The following MAP1LC3B variants were observed in gnomAD, a reference collection of about 807,000 sequenced individuals.
MAP1LC3B encodes the protein microtubule-associated protein 1 light chain 3 beta.
In MAP1LC3B, 12 loss-of-function variants were observed where a neutral mutation model predicts 16.7. That is an observed-to-expected ratio of 0.72 (90% confidence interval 0.46 to 1.16). The LOEUF (loss-of-function observed/expected upper bound fraction) is 1.16, where lower values mean the gene tolerates loss of function less well. MAP1LC3B is among the 50% of genes most tolerant of loss of function. The pLI is 0.00. For synonymous variants in MAP1LC3B, 63 were observed against 56.5 expected (o/e 1.11, Z -0.51); for missense variants, 155 against 159.5 (o/e 0.97, Z 0.15).
Position 87,402,183 on chromosome 16 carries a change from A to G in MAP1LC3B, c.105A>G (p.Ile35Met), listed in dbSNP as rs1458044148. 3 of 1,614,072 alleles carry G rather than the reference A, an allele frequency of 1.9e-6. No homozygotes were observed. Among genetic ancestry groups the G allele is most frequent in the South Asian group, 2.2e-5 (2 of 91,080 alleles). Residue 35 changes from isoleucine to methionine, a missense_variant, in exon 3 of 4, where the codon ATA (isoleucine) becomes ATG (methionine). Physicochemically the swap from Ile to Met is conservative, Grantham distance 10. Transcript: ENST00000268607. ...EQHPTKIPVIIERYKGEKQLP... is the reference protein window; with the variant it reads ...EQHPTKIPVIMERYKGEKQLP... ...TCTGGCTTCTTTTCCAGGTGATAAT[A>G]GAACGATACAAGGGTGAGAAGCAGC... is the stretch of plus-strand genomic sequence containing the variant.
intron 3 of MAP1LC3B, 133 bp downstream of exon 3, chr16:87,402,414 C>A: frequency 1.2e-6 from 1 of 836,038 alleles, no homozygotes; most frequent in Non-Finnish European, 1.8e-6. Flanking sequence ...AGTTCTGATT[C>A]AGTTATGATT....
Position 87,403,190 on chromosome 16 carries a change from A to G in MAP1LC3B, c.*93A>G, listed in dbSNP as rs183409203. 289 of 1,471,618 alleles carry G rather than the reference A, an allele frequency of 2.0e-4. No individual in the cohort carries two copies. The East Asian group carries it at 3.6e-3, about 18-fold the overall frequency. The allele number at this position is 1,471,618 out of a possible 1,614,324, so 91.2% of individuals were successfully genotyped here. A position where few individuals can be genotyped will look rare whatever the true frequency, so the allele number is the denominator to read the frequency against. Reference sequence around the variant, plus strand: ...CAACTGAGATCGATCAGTTCATCCAATCACAGATCATGAAACAGTAGTGTT... The same window carrying G: ...CAACTGAGATCGATCAGTTCATCCAGTCACAGATCATGAAACAGTAGTGTT... On this transcript the variant is annotated 3_prime_UTR_variant, in exon 4 of 4. Coordinates refer to ENST00000268607, the MANE Select transcript of MAP1LC3B (RefSeq NM_022818.5).
Position 87,392,437 on chromosome 16 carries a change from G to A in MAP1LC3B, c.10G>A (p.Glu4Lys). The A allele has an allele frequency of 3.5e-6, 5 of 1,418,326 alleles. No homozygotes were observed. The highest frequency in any genetic ancestry group is 3.7e-6 in the Non-Finnish European group (4 of 1,095,582). The allele number at this position is 1,418,326 out of a possible 1,614,324, so 87.9% of individuals were successfully genotyped here. The change falls in exon 1 of 4, where the codon GAG (glutamate) becomes AAG (lysine). Residue 4 changes from glutamate to lysine, a missense_variant. Transcript: ENST00000268607. ...CCCAGATCCCTGCACCATGCCGTCG[G>A]AGAAGACCTTCAAGCAGCGCCGCAC... MPSEKTFKQRRTFE... is the reference protein window; with the variant it reads MPSKKTFKQRRTFE...
chr16:87,400,461 G>A (rs1024657731), intron 2 of MAP1LC3B, among the ~76,000 whole-genome samples: 2 of 152,110 alleles, frequency 1.3e-5, no homozygotes, highest in African/African-American at 4.8e-5. Flanking sequence ...TTACAGGCGT[G>A]AGCCACCGCA....
At chr16:87,400,953 T>C (rs1907971542) in intron 2 of MAP1LC3B, among the ~76,000 whole-genome samples, 1 of 151,902 alleles carries the variant, frequency 6.6e-6, no homozygotes, top group African/African-American at 2.4e-5. Flanking sequence ...ACCAACATGG[T>C]GAAACCCCAT....
rs1217411098 is a variant in MAP1LC3B, at chr16:87,396,832, T to G, written c.41-1983T>G. The G allele has an allele frequency of 2.0e-5, 3 of 152,164 alleles. No homozygotes were observed. The South Asian group carries it at 6.2e-4, about 32-fold the overall frequency. The allele number at this position is 152,164 out of a possible 1,614,324, so 9.4% of individuals were successfully genotyped here. A position where few individuals can be genotyped will look rare whatever the true frequency, so the allele number is the denominator to read the frequency against. On this transcript the variant is annotated intron_variant, in intron 1 of 3. Transcript: ENST00000268607. The stretch of plus-strand genomic sequence containing the variant: ...CGAAATTTGTCATTATTATTTTTAT[T>G]TTTCATTTTTTTGAGACAAAAGTCT...
chr16:87,396,459 A>G (rs1410493631), intron 1 of MAP1LC3B, among the ~76,000 whole-genome samples: 2 of 151,352 alleles, frequency 1.3e-5, no homozygotes, highest in Non-Finnish European at 2.9e-5. Context: ...TGAGTGACAG[A>G]GCAAGACTCC....
intron 1 of MAP1LC3B, 183 bp downstream of exon 1, chr16:87,392,650 A>AGGGACCCAGGCCGGGG: frequency 2.5e-6 from 1 of 394,370 alleles, no homozygotes; most frequent in Non-Finnish European, 3.7e-6. Context: ...CCAGGCCGGG[A>AGGGACCCAGGCCGGGG]CCGAGCCGGG....
intron 1 of MAP1LC3B, chr16:87,392,929 C>T (rs1597387512): frequency 6.6e-6 from 1 of 152,244 alleles, no homozygotes; most frequent in East Asian, 1.9e-4. Context: ...GCGCCGGGAC[C>T]CAGCGCGTCA....
At position 87,404,336 on chromosome 16, in the gene MAP1LC3B, G is replaced by A. The variant is rs1202594514; in HGVS notation, c.*1239G>A. 1 of 152,144 alleles carries A rather than the reference G, an allele frequency of 6.6e-6. No homozygotes were observed. The highest frequency in any genetic ancestry group is 2.4e-5 in the African/African-American group (1 of 41,418). The allele number at this position is 152,144 out of a possible 1,614,324, so 9.4% of individuals were successfully genotyped here. On this transcript the variant is annotated 3_prime_UTR_variant, in exon 4 of 4. Transcript: ENST00000268607. ...ACAATTACACCACTTTAGACCCTAT[G>A]TGTAGCAGGTCACAACTTACCCTTG...
intron 2 of MAP1LC3B, chr16:87,399,335 C>T (rs1907907490): frequency 1.1e-5 from 3 of 268,938 alleles, no homozygotes; most frequent in African/African-American, 6.7e-5. Flanking sequence ...TCTGTACTGC[C>T]TCTAATTTCT....
intron 1 of MAP1LC3B, among the ~76,000 whole-genome samples, chr16:87,394,818 A>C (rs941123558): frequency 6.6e-6 from 1 of 152,130 alleles, no homozygotes; most frequent in Non-Finnish European, 1.5e-5. Context: ...CACACCTGTA[A>C]TCCCAGCACT....
chr16:87,401,808 G>A (rs1161551311), intron 2 of MAP1LC3B, among the ~76,000 whole-genome samples: 2 of 151,592 alleles, frequency 1.3e-5, no homozygotes, highest in Non-Finnish European at 2.9e-5. Flanking sequence ...GGGATTACAG[G>A]CATGTGCCAC....
At position 87,395,134 on chromosome 16, in the gene MAP1LC3B, A is replaced by G. The variant is rs1597388549; in HGVS notation, c.40+2667A>G. On this transcript the variant is annotated intron_variant, in intron 1 of 3. Transcript: ENST00000268607. ...GAAATTTTACTTAAAATGACTGAAGATATCTCAAAACAACTTTGCAAAGAA... is the reference window on the plus strand; with the variant it reads ...GAAATTTTACTTAAAATGACTGAAGGTATCTCAAAACAACTTTGCAAAGAA... Among the ~76,000 whole-genome samples the G allele has an allele frequency of 2.0e-5, 3 of 152,348 alleles. No homozygotes were observed. The South Asian group carries it at 6.2e-4, about 32-fold the overall frequency.
intron 2 of MAP1LC3B, among the ~76,000 whole-genome samples, chr16:87,401,466 C>G (rs1597391244): frequency 6.6e-6 from 1 of 152,220 alleles, no homozygotes; most frequent in Non-Finnish European, 1.5e-5. Flanking sequence ...TGTGCTGTTT[C>G]AAAGCCCATT....
At chr16:87,402,389 T>A in intron 3 of MAP1LC3B, 108 bp downstream of exon 3, 1 of 1,040,128 alleles carries the variant, frequency 9.6e-7, no homozygotes, top group Middle Eastern at 2.2e-4. Context: ...TAAAAAATAT[T>A]TTTCAGCTGA....
chr16:87,395,995 G>C (rs1448860419), intron 1 of MAP1LC3B, among the ~76,000 whole-genome samples: 2 of 150,944 alleles, frequency 1.3e-5, no homozygotes, highest in Non-Finnish European at 3.0e-5. Context: ...TGAGTAGCTG[G>C]GATTACGGGT....
chr16:87,400,004 C>G, intron 2 of MAP1LC3B: 1 of 165,960 alleles, frequency 6.0e-6, no homozygotes, highest in Non-Finnish European at 1.3e-5. Context: ...GATCTCTTGA[C>G]CTCATGATCC....
Position 87,399,363 on chromosome 16 carries a change from G to A in MAP1LC3B, c.96+493G>A, listed in dbSNP as rs75227048. The stretch of plus-strand genomic sequence containing the variant: ...TAATTTCTGCTACCACTTAAACTCA[G>A]GCAGGTGGAGCCTACACACTGATAT... On this transcript the variant is annotated intron_variant, in intron 2 of 3. Coordinates refer to ENST00000268607, the MANE Select transcript of MAP1LC3B (RefSeq NM_022818.5). 10 of 268,390 alleles carry A rather than the reference G, an allele frequency of 3.7e-5. No individual in the cohort carries two copies. In the East Asian group the frequency reaches 1.0e-3, roughly 28 times the overall value. The allele number at this position is 268,390 out of a possible 1,614,324, so 16.6% of individuals were successfully genotyped here.
Sources: gnomAD v4.1 joint callset for allele counts (sites outside exome capture counted in the v4.1 genomes callset) on GRCh38, gnomAD v4.1.1 for gene constraint, MANE v1.5 for transcripts, NCBI Gene and HGNC (gene_info 2026-07-23, HGNC 2026-07-21) for gene names.